The following PTPN14 variants were observed in gnomAD, a reference collection of about 807,000 sequenced individuals.
PTPN14 encodes the protein protein tyrosine phosphatase non-receptor type 14.
A neutral mutation model predicts 126.8 loss-of-function variants in PTPN14; 53 were observed. The ratio of observed to expected loss-of-function variants is 0.42; its 90% CI spans 0.34 to 0.53. PTPN14 has a LOEUF of 0.53. Ranked by LOEUF, PTPN14 falls within the 20% of genes least tolerant of loss-of-function variation. The probability of loss-of-function intolerance (pLI) is 0.08; values close to 1 mark genes in which losing one functional copy is unlikely to be tolerated. For synonymous variants in PTPN14, 630 were observed against 599.3 expected (o/e 1.05, Z -0.75); for missense variants, 1,257 against 1,552.9 (o/e 0.81, Z 3.20).
At chr1:214,443,112 C>T (rs188012020) in intron 3 of PTPN14, among the ~76,000 whole-genome samples, 82 of 152,250 alleles carry the variant, frequency 5.4e-4, no homozygotes, top group Middle Eastern at 3.4e-3. Flanking sequence ...CGTGAACCAC[C>T]GCGCCCAGCC....
intron 8 of PTPN14, among the ~76,000 whole-genome samples, chr1:214,396,094 C>A (rs1396740434): frequency 1.3e-5 from 2 of 152,150 alleles, no homozygotes; most frequent in Non-Finnish European, 2.9e-5. Context: ...GAATCGAGTA[C>A]CTGGCCCAGA....
At chr1:214,429,614 ATATT>A (rs1659751178) in intron 3 of PTPN14, among the ~76,000 whole-genome samples, 1 of 152,226 alleles carries the variant, frequency 6.6e-6, no homozygotes, top group South Asian at 2.1e-4. Context: ...TGCTCAGTAA[ATATT>A]TATTTTTTTA....
intron 3 of PTPN14, among the ~76,000 whole-genome samples, chr1:214,422,406 C>T (rs1558095259): frequency 6.6e-6 from 1 of 152,206 alleles, no homozygotes; most frequent in Non-Finnish European, 1.5e-5. Context: ...AACCGGCCAA[C>T]CAAAACTACT....
At chr1:214,533,742 C>T (rs1218753200) in intron 1 of PTPN14, among the ~76,000 whole-genome samples, 1 of 150,346 alleles carries the variant, frequency 6.7e-6, no homozygotes, top group Non-Finnish European at 1.5e-5. Flanking sequence ...GAGACTGAGG[C>T]GGGAGAATGG....
At chr1:214,427,189 A>T (rs955022949) in intron 3 of PTPN14, among the ~76,000 whole-genome samples, 6 of 150,896 alleles carry the variant, frequency 4.0e-5, no homozygotes, top group Middle Eastern at 3.4e-3. Flanking sequence ...AAGGCAGGAG[A>T]ATCACTTGAA....
At chr1:214,523,719 G>A (rs1192558719) in intron 1 of PTPN14, among the ~76,000 whole-genome samples, 1 of 152,160 alleles carries the variant, frequency 6.6e-6, no homozygotes, top group Non-Finnish European at 1.5e-5. Flanking sequence ...AGGAGTACTG[G>A]CCACCAACAC....
chr1:214,357,930 G>T lies in PTPN14; in HGVS notation c.3556C>A (p.Leu1186Ile), dbSNP rs368969626. ...GAGCTGGATTGGGGTGATTAAATGAGTCTGGAGTTTTGGAGGAACTGGATG... is the reference window on the plus strand; with the variant it reads ...GAGCTGGATTGGGGTGATTAAATGATTCTGGAGTTTTGGAGGAACTGGATG... ...VLIQFLQNSR[L>I]I Residue 1186 changes from leucine (L) to isoleucine (I), a missense_variant, in exon 19 of 19, where the codon CTC (leucine) becomes ATC (isoleucine). Around this residue, in one of 3 missense-constraint regions of PTPN14, gnomAD observed 171 missense variants for 229.8 expected, o/e 0.74. Coordinates refer to ENST00000366956, the MANE Select transcript of PTPN14 (RefSeq NM_005401.5). The T allele has an allele frequency of 6.2e-7, 1 of 1,612,668 alleles. No individual in the cohort carries two copies. Among genetic ancestry groups the T allele is most frequent in the South Asian group, 1.1e-5 (1 of 91,016 alleles).
Position 214,384,670 on chromosome 1 carries a change from G to A in PTPN14, c.1185C>T (p.Asn395=). Residue 395 remains asparagine, a synonymous_variant, in exon 13 of 19, where the codon AAC becomes AAT. Transcript: ENST00000366956. The surrounding 1 kb of genome is among the most constrained non-coding windows in gnomAD (Gnocchi z 5.3). ...NGSVCSVHSV[N]SLNCSQSFIQ... Reference sequence around the variant, plus strand: ...TGAAACTTTGCGAGCAGTTGAGGGAGTTGACGCTGTGAACGCTACACACGC... The same window carrying A: ...TGAAACTTTGCGAGCAGTTGAGGGAATTGACGCTGTGAACGCTACACACGC... 6.2e-7 allele frequency: 1 copy of A among 1,614,146 alleles called. No individual in the cohort carries two copies. Among genetic ancestry groups the A allele is most frequent in the Non-Finnish European group, 8.5e-7 (1 of 1,180,026 alleles).
At chr1:214,385,415 T>C (rs1658584898) in intron 12 of PTPN14, among the ~76,000 whole-genome samples, 1 of 152,130 alleles carries the variant, frequency 6.6e-6, no homozygotes, top group Non-Finnish European at 1.5e-5. Context: ...TTTCATCACT[T>C]AGGTCAATTC....
At chr1:214,490,992 GAAGGA>G (rs149307319) in intron 1 of PTPN14, among the ~76,000 whole-genome samples, 30,539 of 121,640 alleles carry the variant, frequency 0.25, 3,608 homozygotes, top group Middle Eastern at 0.35. Context: ...GGAAGGAAGG[GAAGGA>G]AAGGAAAGAA....
chr1:214,482,582 A>G (rs1294557209), intron 1 of PTPN14, among the ~76,000 whole-genome samples: 1 of 149,592 alleles, frequency 6.7e-6, no homozygotes, highest in Non-Finnish European at 1.5e-5. Context: ...TAGAAAAGAA[A>G]AAAAAAAAAT....
intron 3 of PTPN14, among the ~76,000 whole-genome samples, chr1:214,434,716 T>C (rs1430285501): frequency 1.3e-5 from 2 of 152,068 alleles, no homozygotes; most frequent in African/African-American, 4.8e-5. Context: ...CTGGATGAAG[T>C]GTTGAGGACC....
chr1:214,546,677 T>C (rs1258426980), intron 1 of PTPN14, among the ~76,000 whole-genome samples: 3 of 152,172 alleles, frequency 2.0e-5, no homozygotes, highest in Admixed American at 6.5e-5. Context: ...CTCCTCCCTA[T>C]TGACCAACAT....
intron 3 of PTPN14, among the ~76,000 whole-genome samples, chr1:214,431,224 G>C (rs1356977342): frequency 1.3e-5 from 2 of 152,054 alleles, no homozygotes; most frequent in African/African-American, 2.4e-5. Flanking sequence ...TCTAAGCAAT[G>C]GTAAGACATT....
intron 1 of PTPN14, among the ~76,000 whole-genome samples, chr1:214,497,381 T>C (rs567182784): frequency 6.6e-6 from 1 of 152,212 alleles, no homozygotes; most frequent in South Asian, 2.1e-4. Context: ...ATTAAAGAGA[T>C]CATTTTCAGA....
At chr1:214,370,797 T>C (rs1279994144) in intron 16 of PTPN14, among the ~76,000 whole-genome samples, 2 of 151,392 alleles carry the variant, frequency 1.3e-5, no homozygotes, top group Admixed American at 1.3e-4. Context: ...GGGCAAGGAG[T>C]AGGTGGTGAG....
rs377084887 is a variant in PTPN14 at position 214,522,094 on chromosome 1, AC to A, written c.-155+29088del. On this transcript the variant is annotated intron_variant, in intron 1 of 18. Transcript: ENST00000366956. Reference sequence around the variant, plus strand: ...TGGAATTAGAGGTGTGCACCGTCACACCCGGCTAGTTTTTGTATTTTTAGTA... The same window carrying A: ...TGGAATTAGAGGTGTGCACCGTCACACCGGCTAGTTTTTGTATTTTTAGTA... Among the ~76,000 whole-genome samples the A allele has an allele frequency of 5.2e-3, 785 of 151,724 alleles. 10 individuals are homozygous for A. The highest frequency in any genetic ancestry group is 0.018 in the African/African-American group (758 of 41,386).
chr1:214,411,972 TGAA>T (rs1275425265), intron 4 of PTPN14, among the ~76,000 whole-genome samples: 2 of 152,222 alleles, frequency 1.3e-5, no homozygotes, highest in Non-Finnish European at 1.5e-5. Context: ...TTAGAAATAA[TGAA>T]GAAATTTGAA....
At chr1:214,434,109 G>A (rs747755178) in intron 3 of PTPN14, among the ~76,000 whole-genome samples, 1 of 152,034 alleles carries the variant, frequency 6.6e-6, no homozygotes, top group Non-Finnish European at 1.5e-5. Context: ...TCCAGCCTGG[G>A]CAACAGAGTA....
Sources: gnomAD v4.1 joint callset for allele counts (sites outside exome capture counted in the v4.1 genomes callset) on GRCh38, gnomAD v4.1.1 for gene constraint, gnomAD v4.1.1 regional missense constraint, Gnocchi (gnomAD v3.1) non-coding constraint, MANE v1.5 for transcripts, NCBI Gene and HGNC (gene_info 2026-07-23, HGNC 2026-07-21) for gene names.